FGFR2: variants seen among roughly 807,000 people sequenced by gnomAD.
The protein encoded by FGFR2 is fibroblast growth factor receptor 2.
FGFR2 carries 19 observed loss-of-function variants against 95.9 expected under a neutral mutation model. That is an observed-to-expected ratio of 0.20 (90% CI 0.14 to 0.29). The LOEUF is 0.29. Among genes scored for constraint, FGFR2 ranks in the 10% least tolerant of loss-of-function variants. The pLI, the probability that FGFR2 is intolerant of heterozygous loss-of-function variation, is 1.00. For synonymous variants in FGFR2, 392 were observed against 393.3 expected (o/e 1.00, Z 0.04); for missense variants, 707 against 1,056.9 (o/e 0.67, Z 4.59).
chr10:121,593,678 C>T, intron 2 of FGFR2, 31 bp downstream of exon 2: 6 of 1,601,654 alleles, frequency 3.7e-6, no homozygotes, highest in Non-Finnish European at 4.3e-6. Flanking sequence ...AATCCCAAAA[C>T]AAACCTGAAA....
rs146948953 is a variant in FGFR2 at position 121,538,657 on chromosome 10, T to C, written c.683A>G (p.Asn228Ser). The change falls in exon 6 of 18, where the codon AAT becomes AGT. Residue 228 changes from asparagine to serine, a missense_variant. Physicochemically the swap from Asn to Ser is conservative, Grantham distance 46 (BLOSUM62 1). Around this residue, in one of 7 missense-constraint regions of FGFR2, gnomAD observed 139 missense variants for 278.1 expected, o/e 0.50. Coordinates refer to ENST00000358487, the MANE Select transcript of FGFR2 (RefSeq NM_000141.5). ...TTCATTCTCCACTACACAGGTATAA[T>C]TTCCCTTGTCAGATGGGACCACACT... ...MESVVPSDKG[N>S]YTCVVENEYG... 1 of 1,614,176 alleles carries C rather than the reference T, an allele frequency of 6.2e-7. No homozygotes were observed. The highest frequency in any genetic ancestry group is 8.5e-7 in the Non-Finnish European group (1 of 1,180,036).
chr10:121,481,053 G>T (rs1844607179), intron 17 of FGFR2, among the ~76,000 whole-genome samples: 1 of 152,216 alleles, frequency 6.6e-6, no homozygotes, highest in South Asian at 2.1e-4. Context: ...TTTACATATT[G>T]TCTGTGGCTA....
intron 5 of FGFR2, among the ~76,000 whole-genome samples, chr10:121,543,113 C>T (rs1290257310): frequency 1.3e-5 from 2 of 152,144 alleles, no homozygotes; most frequent in African/African-American, 2.4e-5. Flanking sequence ...GTATCAGCAC[C>T]CAATTTTCCC....
chr10:121,585,343 TGTAGA>T (rs541136330), intron 2 of FGFR2, among the ~76,000 whole-genome samples: 139 of 152,338 alleles, frequency 9.1e-4, no homozygotes, highest in African/African-American at 3.3e-3. Context: ...CACTATACAC[TGTAGA>T]GTAAACATCT....
At chr10:121,574,757 C>A (rs1355860358) in intron 2 of FGFR2, among the ~76,000 whole-genome samples, 1 of 152,106 alleles carries the variant, frequency 6.6e-6, no homozygotes, top group East Asian at 1.9e-4. Context: ...GGCATAGGTA[C>A]TACGTGTTCT....
chr10:121,548,349 C>T (rs183480400), intron 5 of FGFR2, among the ~76,000 whole-genome samples: 15 of 141,528 alleles, frequency 1.1e-4, no homozygotes, highest in Admixed American at 4.6e-4. Context: ...CCTCCAGAAA[C>T]GGCTCAGCGT....
rs1301116139 is a variant in FGFR2, at chr10:121,538,713, T to C, written c.627A>G (p.Val209=). ...TAATGAGGCTCCAGTGCTGGTTTCG[T>C]ACCTGAAAAGATCAAAGCAAAGGCG... The part of the protein sequence containing the change: ...KQEHRIGGYK[V]RNQHWSLIME... The change falls in exon 6 of 18, where the codon GTA becomes GTG. Residue 209 remains valine, a splice_region_variant and synonymous_variant. Coordinates refer to ENST00000358487, the MANE Select transcript of FGFR2 (RefSeq NM_000141.5). 1.9e-6 allele frequency: 3 copies of C among 1,614,048 alleles called. No homozygotes were observed. The Admixed American group carries it at 5.0e-5, about 27-fold the overall frequency.
rs1861617557 is a variant in FGFR2, at chr10:121,585,001, T to C, written c.109+8708A>G. Among the ~76,000 whole-genome samples the C allele has an allele frequency of 2.1e-5, 3 of 145,356 alleles. 1 individual carries two copies. The highest frequency in any genetic ancestry group is 7.7e-5 in the African/African-American group (3 of 39,190). ...CCACCCCAACCGATTCCATAACCCC[T>C]CTCCAATGTTCTTCGCCGGGCCTAA... On this transcript the variant is annotated intron_variant, in intron 2 of 17. Transcript: ENST00000358487.
In FGFR2 at chr10:121,593,873, A is replaced by G. The variant is rs2135488265; in HGVS notation, c.-56T>C. ...ATATCTCCATGTGGACGTTAATCCC[A>G]TCTGCACACTTCCTCTACGGGCATG... is the stretch of plus-strand genomic sequence containing the variant. On this transcript the variant is annotated 5_prime_UTR_variant, in exon 2 of 18. An upstream start codon of the reference 5' UTR is lost. Transcript: ENST00000358487. 6.7e-7 allele frequency: 1 copy of G among 1,503,070 alleles called. No individual in the cohort carries two copies. The highest frequency in any genetic ancestry group is 2.3e-5 in the East Asian group (1 of 44,328). The allele number at this position is 1,503,070 out of a possible 1,614,324, so 93.1% of individuals were successfully genotyped here.
At chr10:121,536,010 G>A (rs536763447) in intron 6 of FGFR2, among the ~76,000 whole-genome samples, 9 of 152,328 alleles carry the variant, frequency 5.9e-5, no homozygotes, top group South Asian at 2.1e-4. Flanking sequence ...ATGGGACTTC[G>A]CTTTCACTGG....
intron 6 of FGFR2, among the ~76,000 whole-genome samples, chr10:121,525,688 T>C (rs1047401744): frequency 1.3e-5 from 2 of 152,124 alleles, no homozygotes; most frequent in African/African-American, 4.8e-5. Context: ...TCTTTGTTAA[T>C]TGACCATTGA....
chr10:121,503,495 T>C (rs1847870839), intron 10 of FGFR2, among the ~76,000 whole-genome samples: 1 of 152,216 alleles, frequency 6.6e-6, no homozygotes, highest in African/African-American at 2.4e-5. Flanking sequence ...AATTCTACTT[T>C]TATTCCATTT....
At chr10:121,482,553 T>C (rs185953655) in intron 17 of FGFR2, among the ~76,000 whole-genome samples, 1 of 152,366 alleles carries the variant, frequency 6.6e-6, no homozygotes, top group East Asian at 1.9e-4. Context: ...GGTTTGGAGT[T>C]AGTTTCCTGT....
At chr10:121,554,113 A>G (rs972200158) in intron 4 of FGFR2, among the ~76,000 whole-genome samples, 3 of 152,192 alleles carry the variant, frequency 2.0e-5, no homozygotes, top group Non-Finnish European at 4.4e-5. Flanking sequence ...ACACAGACAC[A>G]GCCATACAGC....
intron 6 of FGFR2, 179 bp downstream of exon 6, chr10:121,538,412 TG>T: frequency 1.0e-6 from 1 of 998,342 alleles, no homozygotes; most frequent in Non-Finnish European, 1.6e-6. Context: ...CCTGGCTGCC[TG>T]GAAAACAGAA....
At chr10:121,530,966 A>G (rs1851999099) in intron 6 of FGFR2, among the ~76,000 whole-genome samples, 1 of 152,096 alleles carries the variant, frequency 6.6e-6, no homozygotes, top group Non-Finnish European at 1.5e-5. Context: ...TCTTACATAA[A>G]ACTGTAAGAT....
chr10:121,520,265 C>T (rs1850344254), intron 6 of FGFR2, 96 bp from the exon 7 acceptor site: 1 of 1,293,522 alleles, frequency 7.7e-7, no homozygotes, highest in Admixed American at 2.5e-5. Context: ...TGACCTCATG[C>T]CAGAAAAGCC....
intron 2 of FGFR2, among the ~76,000 whole-genome samples, chr10:121,576,269 C>T (rs1859741627): frequency 6.6e-6 from 1 of 152,170 alleles, no homozygotes; most frequent in Non-Finnish European, 1.5e-5. Flanking sequence ...CATGTAGCGC[C>T]CAGGAAATAG....
At chr10:121,532,802 G>A (rs949289276) in intron 6 of FGFR2, among the ~76,000 whole-genome samples, 3 of 152,192 alleles carry the variant, frequency 2.0e-5, no homozygotes, top group Non-Finnish European at 2.9e-5. Context: ...AATAAAAGAC[G>A]CTTCATTCTT....
Sources: gnomAD v4.1 joint callset for allele counts (sites outside exome capture counted in the v4.1 genomes callset) on GRCh38, gnomAD v4.1.1 for gene constraint, gnomAD v4.1.1 regional missense constraint, MANE v1.5 for transcripts, NCBI Gene and HGNC (gene_info 2026-07-23, HGNC 2026-07-21) for gene names.